The following BRF1 variants were observed in gnomAD, a reference collection of about 807,000 sequenced individuals.
BRF1 encodes the protein BRF1 general transcription factor IIIB subunit, also known as transcription factor IIIB 90 kDa subunit.
A neutral mutation model predicts 81.7 loss-of-function variants in BRF1; 59 were observed. The observed-to-expected ratio is 0.72, with a 90% CI of 0.59 to 0.90. BRF1 has a LOEUF of 0.90. Ranked by LOEUF, BRF1 falls within the 40% of genes least tolerant of loss-of-function variation. BRF1 has a pLI of 0.00. For missense variants in BRF1, 1,050 were observed against 936.3 expected (o/e 1.12, Z -1.58); for synonymous variants, 491 against 395.6 (o/e 1.24, Z -2.86).
chr14:105,213,320 T>C (rs1890458751), intron 15 of BRF1: 3 of 152,042 alleles, frequency 2.0e-5, no homozygotes, highest in South Asian at 4.2e-4. Context: ...TGGGACTAAG[T>C]CCCCAGGAGA....
chr14:105,292,107 C>G (rs587645373), intron 1 of BRF1, among the ~76,000 whole-genome samples: 1 of 152,304 alleles, frequency 6.6e-6, no homozygotes, highest in Non-Finnish European at 1.5e-5. Flanking sequence ...CCTCCCACCT[C>G]AGCCTCCCAA....
At chr14:105,229,533 G>A (rs144710818) in intron 6 of BRF1, among the ~76,000 whole-genome samples, 2 of 152,214 alleles carry the variant, frequency 1.3e-5, no homozygotes, top group Non-Finnish European at 2.9e-5. Context: ...TAGTTGACCA[G>A]GCCACGGCCA....
chr14:105,309,837 G>T lies in BRF1; in HGVS notation c.-162+5485C>A, dbSNP rs956664751. On this transcript the variant is annotated intron_variant, in intron 1 of 17. Transcript: ENST00000327359. This position sits in a 1 kb window ranked among gnomAD's most constrained non-coding sequence, Gnocchi z 4.0. The stretch of plus-strand genomic sequence containing the variant: ...GTCTCACTCTCTTGCCCAGGCAGGA[G>T]TGCAGTGGCACAATCTCGGCTCACT... Among the ~76,000 whole-genome samples, 1 of 143,372 alleles carries T rather than the reference G, an allele frequency of 7.0e-6. No individual in the cohort carries two copies. The highest frequency in any genetic ancestry group is 1.5e-5 in the Non-Finnish European group (1 of 66,690). The allele number at this position is 143,372 out of a possible 152,430, so 94.1% of individuals were successfully genotyped here. A position where few individuals can be genotyped will look rare whatever the true frequency, so the allele number is the denominator to read the frequency against.
chr14:105,209,682 C>A lies in BRF1; in HGVS notation c.*869G>T, dbSNP rs775583755. ...GGCCTGATCCAGCTCTGACAGGGAGCGCCACTGCCCTCTGGCTCTGTCCAC... is the reference window on the plus strand; with the variant it reads ...GGCCTGATCCAGCTCTGACAGGGAGAGCCACTGCCCTCTGGCTCTGTCCAC... On this transcript the variant is annotated 3_prime_UTR_variant, in exon 18 of 18. Coordinates refer to ENST00000547530, the MANE Select transcript of BRF1 (RefSeq NM_001519.4). 3 of 653,820 alleles carry A rather than the reference C, an allele frequency of 4.6e-6. No individual in the cohort carries two copies. Among genetic ancestry groups the A allele is most frequent in the South Asian group, 3.3e-5 (2 of 59,938 alleles). The allele number at this position is 653,820 out of a possible 1,614,324, so 40.5% of individuals were successfully genotyped here.
chr14:105,280,452 C>T (rs1039916142), intron 2 of BRF1, among the ~76,000 whole-genome samples: 5 of 152,370 alleles, frequency 3.3e-5, no homozygotes, highest in Middle Eastern at 3.4e-3. Flanking sequence ...AGTGGTTACC[C>T]GTCACTACGC....
At chr14:105,223,194 A>C (rs987596472) in intron 10 of BRF1, among the ~76,000 whole-genome samples, 2 of 152,174 alleles carry the variant, frequency 1.3e-5, no homozygotes, top group Non-Finnish European at 1.5e-5. Context: ...CCGTCTCAAA[A>C]ACAACAAAAA....
At chr14:105,262,779 G>A (rs1434170281) in intron 3 of BRF1, among the ~76,000 whole-genome samples, 1 of 152,138 alleles carries the variant, frequency 6.6e-6, no homozygotes, top group Non-Finnish European at 1.5e-5. Flanking sequence ...GCCCCAGGAG[G>A]AGCTGAGTGG....
chr14:105,216,953 T>C (rs587648269), intron 15 of BRF1, among the ~76,000 whole-genome samples: 2 of 152,244 alleles, frequency 1.3e-5, no homozygotes, highest in Non-Finnish European at 2.9e-5. Context: ...CAGCTGCCCA[T>C]GGCCTCGTCA....
rs1353829713 is a variant in BRF1, at chr14:105,210,287, C to T, written c.*264G>A. ...CTTGGAGGGTCCTTGGATGAGTCGA[C>T]GGCAGGCAGCGGGACCCAGCCCTGC... On this transcript the variant is annotated 3_prime_UTR_variant, in exon 18 of 18. Coordinates refer to ENST00000547530, the MANE Select transcript of BRF1 (RefSeq NM_001519.4). This position sits in a 1 kb window ranked among gnomAD's most constrained non-coding sequence, Gnocchi z 4.7. 3.4e-5 allele frequency: 17 copies of T among 506,940 alleles called. No individual in the cohort carries two copies. The highest frequency in any genetic ancestry group is 4.3e-5 in the Non-Finnish European group (12 of 278,560). 31.4% of individuals were successfully genotyped at this position (506,940 alleles called of 1,614,324 possible).
chr14:105,290,872 C>T (rs1297813514), intron 1 of BRF1, among the ~76,000 whole-genome samples: 1 of 151,988 alleles, frequency 6.6e-6, no homozygotes, highest in Non-Finnish European at 1.5e-5. Context: ...CGCCTCCTGG[C>T]TTCTGCTTGC....
chr14:105,244,134 C>T (rs912127706), intron 5 of BRF1, among the ~76,000 whole-genome samples: 7 of 150,678 alleles, frequency 4.6e-5, no homozygotes, highest in African/African-American at 1.7e-4. Context: ...CACAGCAAGA[C>T]CCCATCTCTT....
At chr14:105,248,258 G>A (rs1225251277) in intron 5 of BRF1, 2 of 985,348 alleles carry the variant, frequency 2.0e-6, no homozygotes, top group African/African-American at 3.5e-5. Context: ...GCCGCGGCCA[G>A]AGGCAGACTC....
At chr14:105,220,328 C>T (rs921869549) in intron 11 of BRF1, among the ~76,000 whole-genome samples, 198 bp from the exon 12 acceptor site, 2 of 152,226 alleles carry the variant, frequency 1.3e-5, no homozygotes, top group Admixed American at 1.3e-4. Context: ...GGACACTAAG[C>T]GAAGCCAGCA....
rs200622361 is a variant in BRF1 at position 105,228,863 on chromosome 14, C to A, written c.745G>T (p.Val249Phe). The A allele has an allele frequency of 2.5e-6, 4 of 1,613,900 alleles. No homozygotes were observed. Among genetic ancestry groups the A allele is most frequent in the East Asian group, 2.2e-5 (1 of 44,882 alleles). Reference protein sequence around the residue: ...MHDFRRTVKEVISVVKVCEST... With the variant: ...MHDFRRTVKEFISVVKVCEST... ...TCACACACTTTGACCACACTGATGACCTCCTTCACAGTCCTCCTGAAGTCA... is the reference window on the plus strand; with the variant it reads ...TCACACACTTTGACCACACTGATGAACTCCTTCACAGTCCTCCTGAAGTCA... The change falls in exon 7 of 18, where the codon GTC (valine) becomes TTC (phenylalanine). Residue 249 changes from valine to phenylalanine, a missense_variant. Physicochemically the swap from Val to Phe is conservative, Grantham distance 50 (BLOSUM62 -1). Coordinates refer to ENST00000547530, the MANE Select transcript of BRF1 (RefSeq NM_001519.4).
At chr14:105,218,922 GGACATTCCAGA>G (rs1566802748) in intron 14 of BRF1, 65 bp downstream of exon 14, 3 of 1,594,264 alleles carry the variant, frequency 1.9e-6, no homozygotes, top group Non-Finnish European at 1.7e-6. Flanking sequence ...CATGGGGAAG[GGACATTCCAGA>G]GACATTTGCC....
intron 10 of BRF1, among the ~76,000 whole-genome samples, chr14:105,223,756 A>T (rs1200299233): frequency 6.6e-6 from 1 of 152,174 alleles, no homozygotes; most frequent in East Asian, 1.9e-4. Flanking sequence ...TTCAGAAATC[A>T]AAGGGCACAT....
At chr14:105,214,103 C>T (rs751798803) in intron 15 of BRF1, among the ~76,000 whole-genome samples, 37 of 152,208 alleles carry the variant, frequency 2.4e-4, no homozygotes, top group African/African-American at 7.5e-4. Context: ...CTCGCAGCCG[C>T]GCCAGCACCT....
intron 3 of BRF1, among the ~76,000 whole-genome samples, chr14:105,261,874 A>G (rs951443454): frequency 6.6e-6 from 1 of 152,202 alleles, no homozygotes; most frequent in Non-Finnish European, 1.5e-5. Flanking sequence ...CTGGAGAATG[A>G]TGCCCAGCAC....
chr14:105,218,922 G>A (rs1036108573), intron 14 of BRF1, 76 bp downstream of exon 14: 1 of 1,594,264 alleles, frequency 6.3e-7, no homozygotes, highest in South Asian at 1.1e-5. Context: ...CATGGGGAAG[G>A]GACATTCCAG....
Sources: allele counts gnomAD v4.1 joint callset (sites outside exome capture counted in the v4.1 genomes callset), GRCh38; gene constraint gnomAD v4.1.1; non-coding constraint Gnocchi (gnomAD v3.1); transcripts MANE v1.5; gene names NCBI Gene and HGNC (gene_info 2026-07-23, HGNC 2026-07-21).